Variants in ASIC2 observed in about 807,000 individuals in gnomAD.
ASIC2 encodes the protein acid-sensing ion channel 2.
In ASIC2, 25 loss-of-function variants were observed where a neutral mutation model predicts 57.3. The ratio of observed to expected loss-of-function variants is 0.44; its 90% confidence interval spans 0.32 to 0.61. ASIC2 has a LOEUF of 0.61. Among genes scored for constraint, ASIC2 ranks in the 20% least tolerant of loss-of-function variants. ASIC2 has a pLI of 0.06. For missense variants in ASIC2, 641 were observed against 738.1 expected (o/e 0.87, Z 1.52); for synonymous variants, 319 against 307.5 (o/e 1.04, Z -0.39).
chr17:34,004,746 T>C (rs1450022578), intron 1 of ASIC2: 2 of 152,194 alleles, frequency 1.3e-5, no homozygotes, highest in Non-Finnish European at 2.9e-5. Context: ...TGATAAGGGA[T>C]TGGACTAGAT....
At chr17:33,831,150 C>T (rs1217347777) in intron 1 of ASIC2, among the ~76,000 whole-genome samples, 1 of 119,444 alleles carries the variant, frequency 8.4e-6, no homozygotes, top group Non-Finnish European at 1.7e-5. Flanking sequence ...AAAGCAAGTC[C>T]TTACAAATTT....
intron 1 of ASIC2, chr17:33,932,741 A>AAAAAAATATATAT (rs1555572867): frequency 3.4e-5 from 2 of 58,714 alleles, no homozygotes; most frequent in Non-Finnish European, 6.2e-5. Context: ...AAAAAAAAAA[A>AAAAAAATATATAT]ATATATATAT....
At chr17:34,020,131 T>C (rs1907103506) in intron 1 of ASIC2, among the ~76,000 whole-genome samples, 1 of 152,236 alleles carries the variant, frequency 6.6e-6, no homozygotes, top group African/African-American at 2.4e-5. Flanking sequence ...ACATTTAATC[T>C]ACCACACTAA....
chr17:34,039,883 G>A (rs1448381629), intron 1 of ASIC2: 27 of 1,587,958 alleles, frequency 1.7e-5, no homozygotes, highest in African/African-American at 5.4e-5. Context: ...TTCTACTGCC[G>A]CCGCCGCCGC....
chr17:33,321,976 C>T (rs950441542), intron 1 of ASIC2, among the ~76,000 whole-genome samples: 4 of 152,210 alleles, frequency 2.6e-5, no homozygotes, highest in African/African-American at 4.8e-5. Flanking sequence ...CTACCTGAGA[C>T]GCCATGGCTT....
chr17:33,361,962 T>G (rs1238100566), intron 1 of ASIC2, among the ~76,000 whole-genome samples: 1 of 152,232 alleles, frequency 6.6e-6, no homozygotes, highest in African/African-American at 2.4e-5. Context: ...AATGACTTCT[T>G]TATTTCTCTT....
chr17:33,247,070 T>A (rs988593660), intron 1 of ASIC2, among the ~76,000 whole-genome samples: 1 of 152,256 alleles, frequency 6.6e-6, no homozygotes, highest in Admixed American at 6.5e-5. Flanking sequence ...ACATGTCAAC[T>A]TCTTGCCATA....
intron 1 of ASIC2, among the ~76,000 whole-genome samples, chr17:33,321,705 C>A (rs1906878361): frequency 1.3e-5 from 2 of 152,004 alleles, no homozygotes; most frequent in African/African-American, 4.8e-5. Context: ...TTGTGATTAC[C>A]CTGTATCAAA....
At chr17:33,061,692 G>A (rs2092021264) in intron 3 of ASIC2, among the ~76,000 whole-genome samples, 1 of 152,156 alleles carries the variant, frequency 6.6e-6, no homozygotes, top group Non-Finnish European at 1.5e-5. Context: ...GAGTTAGGGA[G>A]GATTCCCTCT....
chr17:33,803,432 T>C (rs138407246), intron 1 of ASIC2, among the ~76,000 whole-genome samples: 6 of 152,008 alleles, frequency 3.9e-5, no homozygotes, highest in Non-Finnish European at 8.8e-5. Context: ...GCACTTTCAG[T>C]ATAATAAATG....
intron 1 of ASIC2, among the ~76,000 whole-genome samples, chr17:33,356,629 G>T (rs1415657435): frequency 2.0e-5 from 3 of 152,142 alleles, no homozygotes; most frequent in Non-Finnish European, 2.9e-5. Context: ...TTAACACGGA[G>T]CGTGTTAACC....
At chr17:33,865,761 A>T (rs1160832218) in intron 1 of ASIC2, among the ~76,000 whole-genome samples, 4 of 28,550 alleles carry the variant, frequency 1.4e-4, no homozygotes, top group Admixed American at 5.1e-4. Context: ...AAAAAAAATA[A>T]AAAAAAAAAA....
At chr17:34,103,938 C>T (rs1298014763) in intron 1 of ASIC2, among the ~76,000 whole-genome samples, 1 of 152,100 alleles carries the variant, frequency 6.6e-6, no homozygotes, top group African/African-American at 2.4e-5. Context: ...TATTCTAGGT[C>T]ATATGCATTT....
chr17:33,872,629 G>T (rs1184762250), intron 1 of ASIC2, among the ~76,000 whole-genome samples: 3 of 152,146 alleles, frequency 2.0e-5, no homozygotes, highest in South Asian at 2.1e-4. Flanking sequence ...TGCAAGCTAG[G>T]TATGAGCAGA....
chr17:33,497,380 C>A (rs994501559), intron 1 of ASIC2, among the ~76,000 whole-genome samples: 1 of 152,148 alleles, frequency 6.6e-6, no homozygotes, highest in African/African-American at 2.4e-5. Flanking sequence ...TAGGGTTCAC[C>A]TTGGGGTATA....
intron 1 of ASIC2, among the ~76,000 whole-genome samples, chr17:33,425,553 ATT>A (rs1231969044): frequency 1.3e-5 from 2 of 152,060 alleles, no homozygotes; most frequent in African/African-American, 4.8e-5. Context: ...GGATGGAGGG[ATT>A]GATTGCAGCT....
intron 1 of ASIC2, among the ~76,000 whole-genome samples, chr17:33,661,385 G>C (rs970260369): frequency 6.6e-6 from 1 of 152,206 alleles, no homozygotes; most frequent in African/African-American, 2.4e-5. Flanking sequence ...ACCCTTGATT[G>C]CCTCGCTTGG....
At chr17:33,528,112 T>A (rs923416380) in intron 1 of ASIC2, among the ~76,000 whole-genome samples, 10 of 147,946 alleles carry the variant, frequency 6.8e-5, no homozygotes, top group South Asian at 4.2e-4. Flanking sequence ...CACGCCCTCG[T>A]AGGAGGTGGC....
At chr17:33,659,733 G>C (rs1448543574) in intron 1 of ASIC2, among the ~76,000 whole-genome samples, 1 of 151,962 alleles carries the variant, frequency 6.6e-6, no homozygotes, top group African/African-American at 2.4e-5. Context: ...TTAGCCGGGC[G>C]AGGTGGCAGG....
Sources: gnomAD v4.1 joint callset for allele counts (sites outside exome capture counted in the v4.1 genomes callset) on GRCh38, gnomAD v4.1.1 for gene constraint, MANE v1.5 for transcripts, NCBI Gene and HGNC (gene_info 2026-07-23, HGNC 2026-07-21) for gene names.